The following AGBL4 variants were observed in gnomAD, a reference collection of about 807,000 sequenced individuals.
AGBL4 encodes the protein AGBL carboxypeptidase 4, also known as cytosolic carboxypeptidase 6.
A neutral mutation model predicts 66.4 loss-of-function variants in AGBL4; 58 were observed. The ratio of observed to expected loss-of-function variants is 0.87; its 90% CI spans 0.71 to 1.09. The LOEUF (loss-of-function observed/expected upper bound fraction) is 1.09, where lower values mean the gene tolerates loss of function less well. Ranked by LOEUF, AGBL4 falls within the 50% of genes least tolerant of loss-of-function variation. The pLI, the probability that AGBL4 is intolerant of heterozygous loss-of-function variation, is 0.00. For synonymous variants in AGBL4, 234 were observed against 222.9 expected (o/e 1.05, Z -0.44); for missense variants, 579 against 631.0 (o/e 0.92, Z 0.88).
intron 3 of AGBL4, among the ~76,000 whole-genome samples, chr1:49,432,600 T>C (rs1388826537): frequency 6.6e-6 from 1 of 152,196 alleles, no homozygotes; most frequent in Admixed American, 6.5e-5. Context: ...TAAAATAGAA[T>C]CATACTATAC....
chr1:49,658,511 T>C (rs1333600191), intron 3 of AGBL4, among the ~76,000 whole-genome samples: 1 of 152,204 alleles, frequency 6.6e-6, no homozygotes, highest in Admixed American at 6.5e-5. Flanking sequence ...TTACTGGGTA[T>C]ATACCCAAAG....
intron 3 of AGBL4, among the ~76,000 whole-genome samples, chr1:49,288,656 CA>C (rs1644474228): frequency 6.6e-6 from 1 of 152,122 alleles, no homozygotes; most frequent in Admixed American, 6.5e-5. Flanking sequence ...GAGCTTTCAA[CA>C]GTCTCAAAGT....
At chr1:49,699,373 T>A (rs982151430) in intron 2 of AGBL4, among the ~76,000 whole-genome samples, 3 of 152,020 alleles carry the variant, frequency 2.0e-5, no homozygotes, top group African/African-American at 7.2e-5. Flanking sequence ...AGTGCCAGTT[T>A]ATGGCCTTCT....
At chr1:48,591,796 T>C (rs1289443836) in intron 9 of AGBL4, among the ~76,000 whole-genome samples, 1 of 152,240 alleles carries the variant, frequency 6.6e-6, no homozygotes, top group Non-Finnish European at 1.5e-5. Context: ...TTGACCAGTC[T>C]ACCTCTGCTC....
chr1:49,042,269 T>C (rs891167046), intron 5 of AGBL4, among the ~76,000 whole-genome samples: 1 of 152,072 alleles, frequency 6.6e-6, no homozygotes, highest in African/African-American at 2.4e-5. Flanking sequence ...TTTATTCAAG[T>C]CTAATTTTCT....
chr1:49,638,513 A>C (rs994017350), intron 3 of AGBL4, among the ~76,000 whole-genome samples: 1 of 152,096 alleles, frequency 6.6e-6, no homozygotes, highest in African/African-American at 2.4e-5. Context: ...TCCTCACCCA[A>C]ATCTCTTCTT....
intron 3 of AGBL4, among the ~76,000 whole-genome samples, chr1:49,579,587 C>T (rs1644501955): frequency 6.6e-6 from 1 of 152,176 alleles, no homozygotes; most frequent in Admixed American, 6.5e-5. Flanking sequence ...GCAAGCTCCA[C>T]CTCCCACGTT....
At chr1:49,440,412 C>T (rs760228182) in intron 3 of AGBL4, among the ~76,000 whole-genome samples, 10 of 152,078 alleles carry the variant, frequency 6.6e-5, no homozygotes, top group Non-Finnish European at 1.2e-4. Context: ...TAGTCCTTGG[C>T]GTGAACTGTA....
At chr1:49,190,562 C>T (rs890493450) in intron 4 of AGBL4, among the ~76,000 whole-genome samples, 1 of 152,084 alleles carries the variant, frequency 6.6e-6, no homozygotes, top group Admixed American at 6.6e-5. Flanking sequence ...ATTAGTGGGG[C>T]TGAGAGATAT....
chr1:49,877,477 A>G (rs1647052595), intron 1 of AGBL4, among the ~76,000 whole-genome samples: 1 of 150,618 alleles, frequency 6.6e-6, no homozygotes, highest in Non-Finnish European at 1.5e-5. Context: ...ATTTGCGTAT[A>G]TTGAACCAGC....
chr1:49,499,720 CAT>C (rs151053487), intron 3 of AGBL4, among the ~76,000 whole-genome samples: 4,846 of 144,506 alleles, frequency 0.034, 107 homozygotes, highest in Non-Finnish European at 0.05. Context: ...GAATGGTATT[CAT>C]ATATATATAT....
At position 48,776,971 on chromosome 1, in the gene AGBL4, A is replaced by G. The variant is rs1427087174; in HGVS notation, c.634+90220T>C. The G allele has an allele frequency of 1.0e-4, 32 of 317,024 alleles. No homozygotes were observed. In the East Asian group the frequency reaches 2.2e-3, roughly 22 times the overall value. The allele number at this position is 317,024 out of a possible 1,614,324, so 19.6% of individuals were successfully genotyped here. On this transcript the variant is annotated intron_variant, in intron 6 of 13. Coordinates refer to ENST00000371839, the MANE Select transcript of AGBL4 (RefSeq NM_032785.4). ...GCTCCCCAGGACCCAGGCTCCCCCC[A>G]CTGTTATTGTTCCTGAAAGCACCGT...
intron 1 of AGBL4, among the ~76,000 whole-genome samples, chr1:49,942,022 A>T (rs1376566778): frequency 2.0e-5 from 3 of 152,160 alleles, no homozygotes; most frequent in Non-Finnish European, 4.4e-5. Context: ...AAATGTTAAA[A>T]TAAATAATCA....
chr1:49,150,997 G>A (rs1646317544), intron 4 of AGBL4, among the ~76,000 whole-genome samples: 1 of 152,104 alleles, frequency 6.6e-6, no homozygotes, highest in Non-Finnish European at 1.5e-5. Flanking sequence ...GGCCAGGCGC[G>A]GTGGCTCACG....
intron 4 of AGBL4, chr1:49,174,751 A>G (rs1336479328): frequency 1.3e-5 from 2 of 151,938 alleles, no homozygotes; most frequent in Non-Finnish European, 2.9e-5. Flanking sequence ...TATTTTCTTT[A>G]TCAGCAATAA....
intron 3 of AGBL4, among the ~76,000 whole-genome samples, chr1:49,481,248 C>A (rs1268171743): frequency 2.0e-5 from 3 of 151,996 alleles, no homozygotes; most frequent in Admixed American, 6.6e-5. Context: ...AATAATGATT[C>A]TTTCTATCCA....
chr1:49,559,336 T>C (rs1232536698), intron 3 of AGBL4, among the ~76,000 whole-genome samples: 3 of 152,146 alleles, frequency 2.0e-5, no homozygotes, highest in African/African-American at 7.2e-5. Flanking sequence ...CAGTACCCTC[T>C]ATGAGTCTGC....
intron 6 of AGBL4, among the ~76,000 whole-genome samples, chr1:48,865,137 G>C (rs1419635043): frequency 6.6e-6 from 1 of 152,014 alleles, no homozygotes; most frequent in Non-Finnish European, 1.5e-5. Flanking sequence ...GGCAGCGCAA[G>C]AAAGGTAGCA....
chr1:48,715,544 C>T (rs1270111905), intron 6 of AGBL4, among the ~76,000 whole-genome samples: 1 of 152,182 alleles, frequency 6.6e-6, no homozygotes. Context: ...TAGTGCAGCA[C>T]CTAGCCCAGA....
Sources: allele counts gnomAD v4.1 joint callset (sites outside exome capture counted in the v4.1 genomes callset), GRCh38; gene constraint gnomAD v4.1.1; transcripts MANE v1.5; gene names NCBI Gene and HGNC (gene_info 2026-07-23, HGNC 2026-07-21).